The following RARB variants were observed in gnomAD, a reference collection of about 807,000 sequenced individuals.
RARB encodes the protein retinoic acid receptor beta, also known as HBV-activated protein.
In RARB, 17 loss-of-function variants were observed where a neutral mutation model predicts 51.9. That is an observed-to-expected ratio of 0.33 (90% confidence interval 0.22 to 0.49). The LOEUF is 0.49. Among genes scored for constraint, RARB ranks in the 20% least tolerant of loss-of-function variants. The probability of loss-of-function intolerance (pLI) is 0.99; values close to 1 mark genes in which losing one functional copy is unlikely to be tolerated. For missense variants in RARB, 369 were observed against 550.8 expected (o/e 0.67, Z 3.30); for synonymous variants, 215 against 195.4 (o/e 1.10, Z -0.84).
At chr3:24,981,082 G>A (rs1162630629) in intron 2 of RARB, among the ~76,000 whole-genome samples, 1 of 152,172 alleles carries the variant, frequency 6.6e-6, no homozygotes, top group African/African-American at 2.4e-5. Context: ...GTTTGCCTGG[G>A]TATCACCAGC....
chr3:25,511,228 G>A (rs1457283588), intron 3 of RARB, among the ~76,000 whole-genome samples: 2 of 152,148 alleles, frequency 1.3e-5, no homozygotes, highest in African/African-American at 2.4e-5. Context: ...CGCCTCCTGG[G>A]TTCACGCCAT....
intron 3 of RARB, among the ~76,000 whole-genome samples, chr3:25,547,705 A>T (rs1435706): frequency 0.23 from 34,526 of 152,146 alleles, 4,694 homozygotes; most frequent in East Asian, 0.39. Flanking sequence ...GTTGGAGTTT[A>T]ATAATTGTTT....
At chr3:25,328,183 T>C (rs561124622) in intron 5 of RARB, among the ~76,000 whole-genome samples, 1 of 152,222 alleles carries the variant, frequency 6.6e-6, no homozygotes, top group Non-Finnish European at 1.5e-5. Context: ...ATACAAGATA[T>C]TTGGCAACCT....
At chr3:25,245,331 A>G (rs147616053) in intron 5 of RARB, among the ~76,000 whole-genome samples, 3 of 152,142 alleles carry the variant, frequency 2.0e-5, no homozygotes, top group Admixed American at 6.5e-5. Flanking sequence ...TTTGTGTGAG[A>G]CTGATCCTGT....
chr3:24,962,269 G>C (rs1696158457), intron 2 of RARB, among the ~76,000 whole-genome samples: 1 of 152,020 alleles, frequency 6.6e-6, no homozygotes, highest in East Asian at 1.9e-4. Flanking sequence ...GAAAGATCAG[G>C]GTGCCTCAAC....
intron 2 of RARB, among the ~76,000 whole-genome samples, chr3:24,957,322 G>A (rs2125409097): frequency 6.6e-6 from 1 of 152,242 alleles, no homozygotes; most frequent in Non-Finnish European, 1.5e-5. Context: ...CCTTCCCTAG[G>A]AAATGTAAAA....
chr3:25,354,560 G>A (rs557467129), intron 5 of RARB, among the ~76,000 whole-genome samples: 3 of 152,218 alleles, frequency 2.0e-5, no homozygotes, highest in African/African-American at 7.2e-5. Context: ...CAAGCAAACC[G>A]AGTTGTTATT....
chr3:24,979,201 T>A (rs895912873), intron 2 of RARB, among the ~76,000 whole-genome samples: 2 of 152,188 alleles, frequency 1.3e-5, no homozygotes, highest in South Asian at 4.1e-4. Flanking sequence ...ATAAGTGCGA[T>A]GTGGTGCTGA....
intron 5 of RARB, among the ~76,000 whole-genome samples, chr3:25,351,384 C>T (rs1705566047): frequency 6.6e-6 from 1 of 152,046 alleles, no homozygotes; most frequent in African/African-American, 2.4e-5. Context: ...ATCCTCCTGT[C>T]CCTGCACTCC....
intron 3 of RARB, among the ~76,000 whole-genome samples, chr3:25,092,851 C>A (rs565602736): frequency 1.3e-5 from 2 of 152,058 alleles, no homozygotes; most frequent in African/African-American, 4.8e-5. Context: ...TTCCTTGTGC[C>A]CTTATTCAGT....
At chr3:25,570,952 AAAAAC>A (rs1432135428) in intron 4 of RARB, among the ~76,000 whole-genome samples, 2 of 152,030 alleles carry the variant, frequency 1.3e-5, no homozygotes, top group Non-Finnish European at 2.9e-5. Context: ...AAGAAAAAAA[AAAAAC>A]AGTGAGCGGC....
intron 3 of RARB, among the ~76,000 whole-genome samples, chr3:25,095,152 G>A (rs1285928612): frequency 6.6e-6 from 1 of 152,128 alleles, no homozygotes; most frequent in East Asian, 1.9e-4. Context: ...ATCACCAGGA[G>A]AGCTTTAAAA....
At chr3:25,357,020 G>GT (rs1285527674) in intron 5 of RARB, among the ~76,000 whole-genome samples, 2 of 152,080 alleles carry the variant, frequency 1.3e-5, no homozygotes, top group Non-Finnish European at 2.9e-5. Flanking sequence ...AATCCTTTGG[G>GT]TATATACCTA....
intron 2 of RARB, among the ~76,000 whole-genome samples, chr3:24,931,916 G>A (rs1695447932): frequency 6.6e-6 from 1 of 152,056 alleles, no homozygotes; most frequent in Non-Finnish European, 1.5e-5. Context: ...GTTGTTTGGA[G>A]AGTGGTGACT....
intron 2 of RARB, among the ~76,000 whole-genome samples, chr3:25,040,125 T>C (rs1174658626): frequency 6.6e-6 from 1 of 152,186 alleles, no homozygotes; most frequent in African/African-American, 2.4e-5. Context: ...TGAAATGTTA[T>C]TGTGGGAGCA....
chr3:25,482,521 ATTTTTTTTTTTTTTTTTTTTTTT>A (rs71087718), intron 2 of RARB, among the ~76,000 whole-genome samples: 6 of 65,752 alleles, frequency 9.1e-5, no homozygotes, highest in African/African-American at 2.1e-4. Flanking sequence ...TAGCAGCCAA[ATTTTTTTTTTTTTTTTTTTTTTT>A]TTTTTTTTTT....
chr3:25,469,235 G>A (rs1042256417), intron 2 of RARB, among the ~76,000 whole-genome samples: 1 of 152,208 alleles, frequency 6.6e-6, no homozygotes, highest in Non-Finnish European at 1.5e-5. Flanking sequence ...TCAGGAAGAT[G>A]GATGTCTGCA....
chr3:25,515,366 A>G (rs1698107963), intron 3 of RARB, among the ~76,000 whole-genome samples: 1 of 152,228 alleles, frequency 6.6e-6, no homozygotes, highest in Non-Finnish European at 1.5e-5. Context: ...ACTCTTTGGC[A>G]GTATCTCCTA....
At chr3:24,936,569 AT>A (rs1351574962) in intron 2 of RARB, among the ~76,000 whole-genome samples, 1 of 152,238 alleles carries the variant, frequency 6.6e-6, no homozygotes, top group Non-Finnish European at 1.5e-5. Flanking sequence ...TTAATTAGCA[AT>A]AAAGCAACAT....
Sources: gnomAD v4.1 joint callset for allele counts (sites outside exome capture counted in the v4.1 genomes callset) on GRCh38, gnomAD v4.1.1 for gene constraint, MANE v1.5 for transcripts, NCBI Gene and HGNC (gene_info 2026-07-23, HGNC 2026-07-21) for gene names.